The following DCAF10 variants were observed in gnomAD, a reference collection of about 807,000 sequenced individuals.
DCAF10 encodes the protein DDB1 and CUL4 associated factor 10, also known as DDB1- and CUL4-associated factor 10.
A neutral mutation model predicts 51.9 loss-of-function variants in DCAF10; 19 were observed. That is an observed-to-expected ratio of 0.37 (90% CI 0.26 to 0.54). The LOEUF (loss-of-function observed/expected upper bound fraction) is 0.54, where lower values mean the gene tolerates loss of function less well. Among genes scored for constraint, DCAF10 ranks in the 20% least tolerant of loss-of-function variants. DCAF10 has a pLI of 0.87. For missense variants in DCAF10, 510 were observed against 730.6 expected (o/e 0.70, Z 3.48); for synonymous variants, 291 against 297.1 (o/e 0.98, Z 0.21).
chr9:37,814,234 G>A (rs1829458206), intron 1 of DCAF10, among the ~76,000 whole-genome samples: 1 of 146,424 alleles, frequency 6.8e-6, no homozygotes, highest in Non-Finnish European at 1.5e-5. Context: ...TGCCTCCCGG[G>A]TTCAAGCGAT....
At chr9:37,850,733 AC>A (rs963695995) in intron 3 of DCAF10, among the ~76,000 whole-genome samples, 1 of 150,234 alleles carries the variant, frequency 6.7e-6, no homozygotes, top group Non-Finnish European at 1.5e-5. Flanking sequence ...ACTGTTAATG[AC>A]AATTTACTGT....
chr9:37,800,793 T>A, upstream of DCAF10: 1 of 1,514,806 alleles, frequency 6.6e-7, no homozygotes, highest in South Asian at 1.2e-5. Context: ...ACGCCGGAAG[T>A]GGCAGCTGAA....
rs1564059425 is a variant in DCAF10, at chr9:37,867,328, A to AT, written c.*5824dup. On this transcript the variant is annotated 3_prime_UTR_variant, in exon 7 of 7. Transcript: ENST00000377724. ...GGTCCAAAGTCTTTAAAATAGGTAGATTTTCAGCTTTCTTAAGTTTCTCCC... is the reference window on the plus strand; with the variant it reads ...GGTCCAAAGTCTTTAAAATAGGTAGATTTTTCAGCTTTCTTAAGTTTCTCCC... The AT allele has an allele frequency of 6.6e-6, 1 of 152,016 alleles. No homozygotes were observed. The allele number at this position is 152,016 out of a possible 1,614,324, so 9.4% of individuals were successfully genotyped here.
At chr9:37,809,178 A>G (rs1020614725) in intron 1 of DCAF10, among the ~76,000 whole-genome samples, 1 of 152,068 alleles carries the variant, frequency 6.6e-6, no homozygotes, top group Admixed American at 6.6e-5. Context: ...GGAAATTATA[A>G]TGGAAATTAG....
At position 37,842,215 on chromosome 9, in the gene DCAF10, A is replaced by G. The variant is rs1174465706; in HGVS notation, c.780A>G (p.Glu260=). The G allele has an allele frequency of 6.2e-7, 1 of 1,613,974 alleles. No individual in the cohort carries two copies. The highest frequency in any genetic ancestry group is 1.7e-5 in the Admixed American group (1 of 60,018). The part of the protein sequence containing the change: ...HGHTSWVKNI[E]YDTNTRLLVT... Reference sequence around the variant, plus strand: ...ACACTAGCTGGGTGAAGAACATCGAATATGATACTAATACAAGACTCTTAG... The same window carrying G: ...ACACTAGCTGGGTGAAGAACATCGAGTATGATACTAATACAAGACTCTTAG... The change falls in exon 3 of 7, where the codon GAA becomes GAG. Residue 260 remains glutamate (E), a synonymous_variant. Coordinates refer to ENST00000377724, the MANE Select transcript of DCAF10 (RefSeq NM_024345.5).
In DCAF10 at chr9:37,801,231, G is replaced by T; in HGVS notation, c.365G>T (p.Arg122Met). 1 of 1,576,084 alleles carries T rather than the reference G, an allele frequency of 6.3e-7. No homozygotes were observed. ...LGAGLGGPGARLFGWLKERSL... is the reference protein window; with the variant it reads ...LGAGLGGPGAMLFGWLKERSL... ...GCGGGCCTGGGCGGCCCTGGCGCTA[G>T]GCTGTTCGGGTGGCTGAAAGAGCGC... is the stretch of plus-strand genomic sequence containing the variant. Residue 122 changes from arginine to methionine, a missense_variant, in exon 1 of 7, where the codon AGG becomes ATG. Physicochemically the swap from Arg to Met is moderately conservative, Grantham distance 91. Coordinates refer to ENST00000377724, the MANE Select transcript of DCAF10 (RefSeq NM_024345.5). The surrounding 1 kb of genome is among the most constrained non-coding windows in gnomAD (Gnocchi z 5.5).
intron 1 of DCAF10, among the ~76,000 whole-genome samples, chr9:37,808,628 A>T (rs368530250): frequency 0.22 from 11,449 of 51,902 alleles, 771 homozygotes; most frequent in Non-Finnish European, 0.26. Flanking sequence ...ATATTTATAT[A>T]ATATAATATA....
chr9:37,835,116 G>A (rs1421113538), intron 2 of DCAF10, among the ~76,000 whole-genome samples: 2 of 152,066 alleles, frequency 1.3e-5, no homozygotes, highest in Non-Finnish European at 2.9e-5. Flanking sequence ...AAATATGGAA[G>A]TCATTGAACT....
rs763274317 is a variant in DCAF10, at chr9:37,861,180, G to A, written c.1352G>A (p.Arg451Gln). The A allele has an allele frequency of 6.8e-6, 11 of 1,606,294 alleles. No individual in the cohort carries two copies. The highest frequency in any genetic ancestry group is 3.3e-5 in the Admixed American group (2 of 59,880). ...GAATTCCAAGAAGGAGCTCCAGTGC[G>A]ACCTGTCTCACCTCGCTGTTCTCTA... is the stretch of plus-strand genomic sequence containing the variant. ...VYEFQEGAPVRPVSPRCSLRL... is the reference protein window; with the variant it reads ...VYEFQEGAPVQPVSPRCSLRL... The change falls in exon 7 of 7, where the codon CGA becomes CAA. Residue 451 changes from arginine (R) to glutamine (Q), a missense_variant. By Grantham distance (43) the Arg-to-Gln change is conservative. Transcript: ENST00000377724. The surrounding 1 kb of genome is among the most constrained non-coding windows in gnomAD (Gnocchi z 4.9).
Position 37,801,002 on chromosome 9 carries a change from C to T in DCAF10, c.136C>T (p.His46Tyr). ...SPLHPGADAT[H>Y]PPPPARSPRR... The stretch of plus-strand genomic sequence containing the variant: ...ACTACATCCCGGGGCTGATGCGACC[C>T]ATCCCCCTCCACCCGCCCGAAGCCC... The change falls in exon 1 of 7, where the codon CAT (histidine) becomes TAT (tyrosine). Residue 46 changes from histidine (H) to tyrosine (Y), a missense_variant. By Grantham distance (83) the His-to-Tyr change is moderately conservative. Coordinates refer to ENST00000377724, the MANE Select transcript of DCAF10 (RefSeq NM_024345.5). This position sits in a 1 kb window ranked among gnomAD's most constrained non-coding sequence, Gnocchi z 5.5. 6.5e-7 allele frequency: 1 copy of T among 1,535,000 alleles called. No individual in the cohort carries two copies. Among genetic ancestry groups the T allele is most frequent in the Non-Finnish European group, 8.7e-7 (1 of 1,150,870 alleles).
intron 1 of DCAF10, among the ~76,000 whole-genome samples, chr9:37,806,642 C>T (rs768116932): frequency 6.6e-6 from 1 of 152,158 alleles, no homozygotes; most frequent in Non-Finnish European, 1.5e-5. Context: ...GTATACATTC[C>T]CATGGCAGGA....
chr9:37,849,834 C>T (rs1339727063), intron 3 of DCAF10, among the ~76,000 whole-genome samples: 3 of 151,772 alleles, frequency 2.0e-5, no homozygotes, highest in Non-Finnish European at 2.9e-5. Context: ...GAGCCGAGAT[C>T]GCACCACTGC....
chr9:37,819,684 T>C lies in DCAF10; in HGVS notation c.653+283T>C, dbSNP rs12001064. Among the ~76,000 whole-genome samples the C allele has an allele frequency of 4.3e-3, 654 of 152,364 alleles. 5 individuals are homozygous for C. The highest frequency in any genetic ancestry group is 0.015 in the African/African-American group (623 of 41,596). ...TATGAACCTCAGCCATGTATTATGC[T>C]AGTCCTGTAATGCCTTTGTGCTAAT... On this transcript the variant is annotated intron_variant, in intron 2 of 6. Coordinates refer to ENST00000377724, the MANE Select transcript of DCAF10 (RefSeq NM_024345.5).
Position 37,801,919 on chromosome 9 carries a change from CA to C in DCAF10, c.539+515del, listed in dbSNP as rs1481436379. On this transcript the variant is annotated intron_variant, in intron 1 of 6. Transcript: ENST00000377724. The surrounding 1 kb of genome is among the most constrained non-coding windows in gnomAD (Gnocchi z 5.5). Reference sequence around the variant, plus strand: ...TAAGACACTGTAGAGACGTGGCTCTCATGATTTGGGTCATTTGTGAAGTCCC... The same window carrying C: ...TAAGACACTGTAGAGACGTGGCTCTCTGATTTGGGTCATTTGTGAAGTCCC... 6.6e-6 allele frequency among the ~76,000 whole-genome samples: 1 copy of C among 152,192 alleles called. No homozygotes were observed. Among genetic ancestry groups the C allele is most frequent in the Non-Finnish European group, 1.5e-5 (1 of 68,030 alleles).
At chr9:37,839,952 G>T (rs1324365306) in intron 2 of DCAF10, among the ~76,000 whole-genome samples, 3 of 152,128 alleles carry the variant, frequency 2.0e-5, no homozygotes, top group Admixed American at 6.5e-5. Flanking sequence ...AGGCAGACAG[G>T]TTCCTTCTGT....
intron 5 of DCAF10, among the ~76,000 whole-genome samples, chr9:37,857,901 C>G (rs1403105220): frequency 3.3e-5 from 5 of 152,320 alleles, no homozygotes; most frequent in Middle Eastern, 3.4e-3. Context: ...ACCACACCCC[C>G]CCAGTTGAAA....
chr9:37,827,324 T>C (rs1438188870), intron 2 of DCAF10, among the ~76,000 whole-genome samples: 2 of 152,054 alleles, frequency 1.3e-5, no homozygotes, highest in Non-Finnish European at 2.9e-5. Flanking sequence ...GATAAAAGTA[T>C]GATTAACTCC....
rs201893222 is a variant in DCAF10 at position 37,834,791 on chromosome 9, G to A, written c.654-7298G>A. On this transcript the variant is annotated intron_variant, in intron 2 of 6. Transcript: ENST00000377724. ...TTTTGTACGTATTTTTCTCAATCACGTACTTTTTTTTTTTGAGACAGGGTT... is the reference window on the plus strand; with the variant it reads ...TTTTGTACGTATTTTTCTCAATCACATACTTTTTTTTTTTGAGACAGGGTT... Among the ~76,000 whole-genome samples the A allele has an allele frequency of 5.4e-5, 7 of 130,230 alleles. No homozygotes were observed. In the East Asian group the frequency reaches 6.1e-4, roughly 11 times the overall value. 85.4% of individuals were successfully genotyped at this position (130,230 alleles called of 152,430 possible).
Position 37,801,274 on chromosome 9 carries a change from G to C in DCAF10, c.408G>C (p.Leu136=), listed in dbSNP as rs202086101. The C allele has an allele frequency of 5.1e-4, 813 of 1,595,718 alleles. 2 individuals are homozygous for C. The highest frequency in any genetic ancestry group is 2.5e-3 in the Middle Eastern group (15 of 6,020). Residue 136 remains leucine, a synonymous_variant, in exon 1 of 7, where the codon CTG becomes CTC. Coordinates refer to ENST00000377724, the MANE Select transcript of DCAF10 (RefSeq NM_024345.5). The surrounding 1 kb of genome is among the most constrained non-coding windows in gnomAD (Gnocchi z 5.5). Reference sequence around the variant, plus strand: ...AAGAGCGCAGCCTGGGCCGCGGGCTGTTCGTGGACCCGGCGCGGGACAATT... The same window carrying C: ...AAGAGCGCAGCCTGGGCCGCGGGCTCTTCGTGGACCCGGCGCGGGACAATT... ...WLKERSLGRG[L]FVDPARDNFR... is the part of the protein sequence containing the mutation.
Sources: gnomAD v4.1 joint callset for allele counts (sites outside exome capture counted in the v4.1 genomes callset) on GRCh38, gnomAD v4.1.1 for gene constraint, Gnocchi (gnomAD v3.1) non-coding constraint, MANE v1.5 for transcripts, NCBI Gene and HGNC (gene_info 2026-07-23, HGNC 2026-07-21) for gene names.